Variants in GNG12 observed in about 807,000 individuals in gnomAD.
GNG12 encodes the protein G protein subunit gamma 12.
For synonymous variants in GNG12, 28 were observed against 29.7 expected (o/e 0.94, Z 0.19); for missense variants, 69 against 83.8 (o/e 0.82, Z 0.69).
intron 1 of GNG12, among the ~76,000 whole-genome samples, chr1:67,820,145 T>C (rs1293213999): frequency 6.6e-6 from 1 of 151,496 alleles, no homozygotes; most frequent in Non-Finnish European, 1.5e-5. Flanking sequence ...TCCCAGCACT[T>C]TGGGAGGCCG....
chr1:67,759,674 G>A (rs1646591092), intron 2 of GNG12, among the ~76,000 whole-genome samples: 1 of 152,148 alleles, frequency 6.6e-6, no homozygotes, highest in Admixed American at 6.5e-5. Context: ...ACTAGTCATT[G>A]TTATTCCTAG....
intron 1 of GNG12, among the ~76,000 whole-genome samples, chr1:67,807,759 CAAAAG>C (rs1026717598): frequency 2.0e-5 from 3 of 151,934 alleles, no homozygotes; most frequent in African/African-American, 7.2e-5. Flanking sequence ...CCAACATTCA[CAAAAG>C]AAAACAGATA....
chr1:67,746,633 C>T (rs189663385), intron 2 of GNG12, among the ~76,000 whole-genome samples: 239 of 152,242 alleles, frequency 1.6e-3, no homozygotes, highest in Non-Finnish European at 2.7e-3. Context: ...TAAAATCTAC[C>T]ATCTAAAAAA....
At chr1:67,826,159 C>T (rs2100828483) in intron 1 of GNG12, among the ~76,000 whole-genome samples, 1 of 152,294 alleles carries the variant, frequency 6.6e-6, no homozygotes, top group East Asian at 1.9e-4. Flanking sequence ...CTGATGGCAT[C>T]TAGAGGACTA....
At chr1:67,759,046 C>G (rs1646587080) in intron 2 of GNG12, among the ~76,000 whole-genome samples, 1 of 152,158 alleles carries the variant, frequency 6.6e-6, no homozygotes, top group Admixed American at 6.5e-5. Context: ...GTTCCCAACA[C>G]AAACAAAAGA....
intron 2 of GNG12, among the ~76,000 whole-genome samples, chr1:67,763,116 A>AGAGAGAGAGAGAGAGAGAGAGAAT: frequency 7.2e-6 from 1 of 138,382 alleles, no homozygotes; most frequent in South Asian, 2.2e-4. Context: ...AGAGAGAGAG[A>AGAGAGAGAGAGAGAGAGAGAGAAT]GAGAATCAAT....
At chr1:67,802,151 G>A (rs1010660311) in intron 1 of GNG12, among the ~76,000 whole-genome samples, 1 of 152,130 alleles carries the variant, frequency 6.6e-6, no homozygotes, top group Non-Finnish European at 1.5e-5. Flanking sequence ...GGTGACCAGA[G>A]GAATGAACTC....
chr1:67,732,564 T>C (rs988320922), intron 2 of GNG12, among the ~76,000 whole-genome samples: 1 of 152,238 alleles, frequency 6.6e-6, no homozygotes, highest in Admixed American at 6.5e-5. Flanking sequence ...AGTTCAGGAA[T>C]CGAGTGGCAG....
chr1:67,803,158 C>G (rs894884232), intron 1 of GNG12, among the ~76,000 whole-genome samples: 1 of 152,174 alleles, frequency 6.6e-6, no homozygotes, highest in South Asian at 2.1e-4. Flanking sequence ...CTCCAAAGCT[C>G]AATCCTACAT....
chr1:67,741,844 C>T (rs1319639322), intron 2 of GNG12, among the ~76,000 whole-genome samples: 3 of 152,146 alleles, frequency 2.0e-5, no homozygotes, highest in South Asian at 2.1e-4. Context: ...GGAGTTTTCA[C>T]ATAAAAATCC....
chr1:67,732,273 A>G (rs76540635), intron 2 of GNG12, among the ~76,000 whole-genome samples: 1 of 152,256 alleles, frequency 6.6e-6, no homozygotes, highest in African/African-American at 2.4e-5. Context: ...AGAACTGACT[A>G]TCGGGGGACC....
At chr1:67,821,658 A>G (rs140566043) in intron 1 of GNG12, among the ~76,000 whole-genome samples, 3 of 152,352 alleles carry the variant, frequency 2.0e-5, no homozygotes, top group Admixed American at 2.0e-4. Context: ...CAGAACTGTG[A>G]GATAATTCAT....
chr1:67,769,911 G>C (rs570242231), intron 2 of GNG12, among the ~76,000 whole-genome samples: 1 of 152,196 alleles, frequency 6.6e-6, no homozygotes, highest in Non-Finnish European at 1.5e-5. Flanking sequence ...GGCTCAGAGG[G>C]AGCAGCATCT....
At chr1:67,831,536 T>G (rs1297763341) in intron 1 of GNG12, among the ~76,000 whole-genome samples, 1 of 152,196 alleles carries the variant, frequency 6.6e-6, no homozygotes, top group Non-Finnish European at 1.5e-5. Flanking sequence ...ATGAGTTAAA[T>G]ACAGCAAAAA....
At chr1:67,708,039 G>A (rs1220508117) in intron 2 of GNG12, among the ~76,000 whole-genome samples, 1 of 152,166 alleles carries the variant, frequency 6.6e-6, no homozygotes, top group African/African-American at 2.4e-5. Context: ...TAGCACTTAG[G>A]GGACCTGTGG....
chr1:67,735,665 A>G (rs1192437893), intron 2 of GNG12, among the ~76,000 whole-genome samples: 2 of 152,242 alleles, frequency 1.3e-5, no homozygotes, highest in Non-Finnish European at 2.9e-5. Context: ...TAATTTAAGA[A>G]AGGAACTATG....
At chr1:67,776,653 T>C (rs921923009) in intron 2 of GNG12, among the ~76,000 whole-genome samples, 4 of 152,126 alleles carry the variant, frequency 2.6e-5, no homozygotes, top group African/African-American at 7.2e-5. Flanking sequence ...AAAGCCTAGC[T>C]GACATGGAAC....
Position 67,775,188 on chromosome 1 carries a change from C to T in GNG12, c.-27+2270G>A, listed in dbSNP as rs74080898. 9.8e-3 allele frequency among the ~76,000 whole-genome samples: 1,489 copies of T among 152,290 alleles called. 17 individuals carry two copies. Among genetic ancestry groups the T allele is most frequent in the African/African-American group, 0.024 (994 of 41,560 alleles). ...TATAATGTATTTTTACACACATTAG[C>T]CTTTTTTGATCTTCCTAGCAATTGT... On this transcript the variant is annotated intron_variant, in intron 2 of 3. Transcript: ENST00000370982.
chr1:67,824,998 C>G (rs961125726), intron 1 of GNG12, among the ~76,000 whole-genome samples: 5 of 152,140 alleles, frequency 3.3e-5, no homozygotes, highest in Non-Finnish European at 7.4e-5. Context: ...AGGCAGCCTG[C>G]CAGGAGCATT....
Sources: gnomAD v4.1 joint callset for allele counts (sites outside exome capture counted in the v4.1 genomes callset) on GRCh38, gnomAD v4.1.1 for gene constraint, MANE v1.5 for transcripts, NCBI Gene and HGNC (gene_info 2026-07-23, HGNC 2026-07-21) for gene names.